The following CPEB4 variants were observed in gnomAD, a reference collection of about 807,000 sequenced individuals.
The protein encoded by CPEB4 is cytoplasmic polyadenylation element binding protein 4.
A neutral mutation model predicts 72.5 loss-of-function variants in CPEB4; 12 were observed. The observed-to-expected ratio is 0.17, with a 90% CI of 0.11 to 0.27. The LOEUF (loss-of-function observed/expected upper bound fraction) is 0.27. CPEB4 is among the 10% of genes least tolerant of loss of function. The pLI is 1.00. For missense variants in CPEB4, 614 were observed against 908.5 expected, an observed-to-expected ratio of 0.68 and a Z score of 4.17; for synonymous variants, 302 against 326.3, an observed-to-expected ratio of 0.93 and a Z score of 0.80.
At position 173,956,220 on chromosome 5, in the gene CPEB4, G is replaced by A. The variant is rs1454226564; in HGVS notation, c.*83G>A. The stretch of plus-strand genomic sequence containing the variant: ...CTGACCCCTTCCTCAACCTCTTCAC[G>A]CTGGCATGTCCTTTTGTAGCAGTCT... On this transcript the variant is annotated 3_prime_UTR_variant, in exon 10 of 10. Transcript: ENST00000265085. The A allele has an allele frequency of 3.9e-6, 4 of 1,036,812 alleles. No individual in the cohort carries two copies. Among genetic ancestry groups the A allele is most frequent in the Admixed American group, 3.7e-5 (2 of 53,344 alleles). 64.2% of individuals were successfully genotyped at this position (1,036,812 alleles called of 1,614,324 possible). A position where few individuals can be genotyped will look rare whatever the true frequency, so the allele number is the denominator to read the frequency against.
chr5:173,892,718 AT>A (rs1755855666), intron 1 of CPEB4, among the ~76,000 whole-genome samples: 1 of 152,174 alleles, frequency 6.6e-6, no homozygotes, highest in Non-Finnish European at 1.5e-5. Flanking sequence ...TAAAATATAC[AT>A]ATATGCACAT....
intron 4 of CPEB4, among the ~76,000 whole-genome samples, chr5:173,944,474 C>CAA (rs5873401): frequency 1.5e-4 from 18 of 118,516 alleles, no homozygotes; most frequent in African/African-American, 3.0e-4. Flanking sequence ...GACACTGTCT[C>CAA]AAAAAAAAAA....
At chr5:173,909,929 G>C (rs890761494) in intron 1 of CPEB4, among the ~76,000 whole-genome samples, 3 of 151,774 alleles carry the variant, frequency 2.0e-5, no homozygotes, top group Admixed American at 6.6e-5. Flanking sequence ...GAACCCGGGA[G>C]GCAGAGGTTG....
chr5:173,892,274 A>ATTTTTT lies in CPEB4; in HGVS notation c.1125+1426_1125+1431dup, dbSNP rs71820084. Among the ~76,000 whole-genome samples the ATTTTTT allele has an allele frequency of 7.8e-4, 94 of 120,772 alleles. 13 individuals carry two copies. Among genetic ancestry groups the ATTTTTT allele is most frequent in the Non-Finnish European group, 1.0e-3 (59 of 57,838 alleles). The allele number at this position is 120,772 out of a possible 152,430, so 79.2% of individuals were successfully genotyped here. A position where few individuals can be genotyped will look rare whatever the true frequency, so the allele number is the denominator to read the frequency against. On this transcript the variant is annotated intron_variant, in intron 1 of 9. Transcript: ENST00000265085. ...ATTTAGTTTTCGACTTCTAAAAACGATTTTTTTTTTTTTTTGCCTATCAAA... is the reference window on the plus strand; with the variant it reads ...ATTTAGTTTTCGACTTCTAAAAACGATTTTTTTTTTTTTTTTTTTTTGCCTATCAAA...
intron 3 of CPEB4, 29 bp downstream of exon 3, chr5:173,932,529 A>G: frequency 1.3e-6 from 2 of 1,571,420 alleles, no homozygotes; most frequent in Non-Finnish European, 1.7e-6. Flanking sequence ...ACCCTAGTGA[A>G]GTGCACAAAA....
rs1418559637 is a variant in CPEB4 at position 173,944,077 on chromosome 5, C to T, written c.1283-890C>T. ...ATATTGGCATCTCTGGTGTTTCCTG[C>T]ATATATATTCTGGACGATAAGATTT... On this transcript the variant is annotated intron_variant, in intron 4 of 9. Coordinates refer to ENST00000265085, the MANE Select transcript of CPEB4 (RefSeq NM_030627.4). 3.9e-5 allele frequency among the ~76,000 whole-genome samples: 6 copies of T among 152,078 alleles called. No homozygotes were observed. The East Asian group carries it at 1.2e-3, about 29-fold the overall frequency.
rs1758506137 is a variant in CPEB4, at chr5:173,960,248, A to G, written c.*4111A>G. The G allele has an allele frequency of 6.6e-6, 1 of 152,650 alleles. No homozygotes were observed. Among genetic ancestry groups the G allele is most frequent in the Non-Finnish European group, 1.5e-5 (1 of 68,022 alleles). 9.5% of individuals were successfully genotyped at this position (152,650 alleles called of 1,614,324 possible). ...TTTGCAAATGACTATTTATACCAGT[A>G]TGCATATAATTTTTAAATATTTGTA... On this transcript the variant is annotated 3_prime_UTR_variant, in exon 10 of 10. Transcript: ENST00000265085.
chr5:173,955,848 A>G lies in CPEB4; in HGVS notation c.1963-62A>G. The G allele has an allele frequency of 7.6e-7, 1 of 1,314,790 alleles. No individual in the cohort carries two copies. Among genetic ancestry groups the G allele is most frequent in the Non-Finnish European group, 1.1e-6 (1 of 927,038 alleles). The allele number at this position is 1,314,790 out of a possible 1,614,324, so 81.4% of individuals were successfully genotyped here. A position where few individuals can be genotyped will look rare whatever the true frequency, so the allele number is the denominator to read the frequency against. On this transcript the variant is annotated intron_variant, in intron 9 of 9. Transcript: ENST00000265085. This position sits in a 1 kb window ranked among gnomAD's most constrained non-coding sequence, Gnocchi z 4.7. ...ATTCAGATAGTGGGTGGAAATGTAC[A>G]TGTATGGTAAGCATTGCTGGCCTAG...
chr5:173,955,106 G>A lies in CPEB4; in HGVS notation c.1963-804G>A, dbSNP rs1758336631. On this transcript the variant is annotated intron_variant, in intron 9 of 9. Coordinates refer to ENST00000265085, the MANE Select transcript of CPEB4 (RefSeq NM_030627.4). The surrounding 1 kb of genome is among the most constrained non-coding windows in gnomAD (Gnocchi z 4.7). ...AGTGCTGGTGACAGCCTGCTGTAAG[G>A]GAGTTTCAGCCATGAATCTCTCCAG... 6.6e-6 allele frequency among the ~76,000 whole-genome samples: 1 copy of A among 152,116 alleles called. No individual in the cohort carries two copies. Among genetic ancestry groups the A allele is most frequent in the Non-Finnish European group, 1.5e-5 (1 of 68,024 alleles).
chr5:173,936,514 G>A (rs1409018944), intron 3 of CPEB4, among the ~76,000 whole-genome samples: 2 of 152,132 alleles, frequency 1.3e-5, no homozygotes, highest in African/African-American at 2.4e-5. Context: ...GTGGGGGTAG[G>A]GGGTGGCCAC....
intron 2 of CPEB4, among the ~76,000 whole-genome samples, chr5:173,915,146 C>A (rs368644614): frequency 2.6e-5 from 4 of 152,106 alleles, no homozygotes; most frequent in African/African-American, 4.8e-5. Context: ...TTTTTACTAT[C>A]AACAAAATGC....
At chr5:173,940,182 G>A (rs1351193068) in intron 3 of CPEB4, among the ~76,000 whole-genome samples, 1 of 152,184 alleles carries the variant, frequency 6.6e-6, no homozygotes. Context: ...AAACTTTGGT[G>A]GGGACTGGGA....
At chr5:173,944,424 A>G (rs1757945703) in intron 4 of CPEB4, among the ~76,000 whole-genome samples, 1 of 149,788 alleles carries the variant, frequency 6.7e-6, no homozygotes, top group African/African-American at 2.5e-5. Context: ...GCAGTGAGCT[A>G]TGATTATGCC....
At position 173,890,511 on chromosome 5, in the gene CPEB4, C is replaced by A; in HGVS notation, c.778C>A (p.Pro260Thr). Residue 260 changes from proline (P) to threonine (T), a missense_variant, in exon 1 of 10, where the codon CCC becomes ACC. Around this residue, in one of 5 missense-constraint regions of CPEB4, gnomAD observed 458 missense variants for 548.6 expected, o/e 0.83. Coordinates refer to ENST00000265085, the MANE Select transcript of CPEB4 (RefSeq NM_030627.4). ...GTCTCCTGCCAGTCCCCATCCCCCA[C>A]CCTTCACACATAGAAATGCTGCTTT... ...RRSPASPHPPPFTHRNAAFNQ... is the reference protein window; with the variant it reads ...RRSPASPHPPTFTHRNAAFNQ... 1 of 1,613,816 alleles carries A rather than the reference C, an allele frequency of 6.2e-7. No homozygotes were observed. Among genetic ancestry groups the A allele is most frequent in the Non-Finnish European group, 8.5e-7 (1 of 1,179,884 alleles).
intron 3 of CPEB4, among the ~76,000 whole-genome samples, chr5:173,941,137 A>G (rs543364602): frequency 2.0e-4 from 31 of 152,346 alleles, no homozygotes; most frequent in African/African-American, 7.0e-4. Flanking sequence ...AGCAGCATCA[A>G]TCAACTTTTT....
rs752472945 is a variant in CPEB4 at position 173,916,640 on chromosome 5, CCTGA to C, written c.1207+6039_1207+6042del. Among the ~76,000 whole-genome samples the C allele has an allele frequency of 3.9e-5, 6 of 152,208 alleles. No homozygotes were observed. The East Asian group carries it at 5.8e-4, about 15-fold the overall frequency. On this transcript the variant is annotated intron_variant, in intron 2 of 9. Transcript: ENST00000265085. The stretch of plus-strand genomic sequence containing the variant: ...TACGTGTTAAATTTAGAGACCCTTC[CCTGA>C]CTATTTTTCATTGCTGTAAATTTGT...
intron 9 of CPEB4, chr5:173,953,577 T>C (rs1758279615): frequency 2.8e-6 from 1 of 363,076 alleles, no homozygotes; most frequent in African/African-American, 2.1e-5. Context: ...AATAAATATT[T>C]ACTGAATCCT....
At chr5:173,905,775 AT>A (rs1363307606) in intron 1 of CPEB4, among the ~76,000 whole-genome samples, 1 of 152,198 alleles carries the variant, frequency 6.6e-6, no homozygotes, top group Non-Finnish European at 1.5e-5. Context: ...TCCTGCCATA[AT>A]TGTCATAATT....
intron 3 of CPEB4, among the ~76,000 whole-genome samples, chr5:173,942,537 A>G (rs1757883276): frequency 6.6e-6 from 1 of 152,244 alleles, no homozygotes. Flanking sequence ...AATTGCTTAA[A>G]GATTTCATTT....
Sources: allele counts gnomAD v4.1 joint callset (sites outside exome capture counted in the v4.1 genomes callset), GRCh38; gene constraint gnomAD v4.1.1; regional missense constraint gnomAD v4.1.1; non-coding constraint Gnocchi (gnomAD v3.1); transcripts MANE v1.5; gene names NCBI Gene and HGNC (gene_info 2026-07-23, HGNC 2026-07-21).